Variants in SYT14 observed in about 807,000 individuals in gnomAD.
SYT14 encodes the protein synaptotagmin-14.
In SYT14, 32 loss-of-function variants were observed where a neutral mutation model predicts 74.2. That is an observed-to-expected ratio of 0.43 (90% CI 0.33 to 0.58). SYT14 has a LOEUF of 0.58. Among genes scored for constraint, SYT14 ranks in the 20% least tolerant of loss-of-function variants. The pLI, the probability that SYT14 is intolerant of heterozygous loss-of-function variation, is 0.05. For missense variants in SYT14, 791 were observed against 981.8 expected (o/e 0.81, Z 2.60); for synonymous variants, 298 against 337.7 (o/e 0.88, Z 1.29).
rs147126272 is a variant in SYT14 at position 210,021,096 on chromosome 1, C to T, written c.1154C>T (p.Ala385Val). 762 of 1,613,808 alleles carry T rather than the reference C, an allele frequency of 4.7e-4. 5 individuals carry two copies. The highest frequency in any genetic ancestry group is 4.7e-3 in the South Asian group (430 of 91,080). Residue 385 changes from alanine to valine, a missense_variant, in exon 5 of 10, where the codon GCG becomes GTG. Coordinates refer to ENST00000637265, the Ensembl canonical transcript of SYT14. ...TCATCCTCTGAAAGTGAAGATGAAG[C>T]GCTGGGTAAATATCATGAGGCCTTA...
intron 2 of SYT14, among the ~76,000 whole-genome samples, chr1:210,007,247 T>A (rs1403462935): frequency 6.6e-6 from 1 of 152,006 alleles, no homozygotes; most frequent in Admixed American, 6.6e-5. Context: ...TTGGAAAGAC[T>A]AAACTTTCTA....
exon 10 of SYT14, chr1:210,162,858 A>C (rs2083401033): frequency 2.2e-6 from 1 of 453,490 alleles, no homozygotes; most frequent in Non-Finnish European, 4.4e-6. Context: ...ATGAGGTTTG[A>C]GAATGTGTGT....
intron 2 of SYT14, among the ~76,000 whole-genome samples, chr1:209,983,562 A>G (rs558221115): frequency 8.9e-4 from 136 of 151,984 alleles, no homozygotes; most frequent in African/African-American, 3.0e-3. Context: ...GTTTCTTTTT[A>G]TAATTTCTAT....
intron 2 of SYT14, among the ~76,000 whole-genome samples, chr1:209,984,938 G>T (rs2079546119): frequency 1.3e-5 from 2 of 152,088 alleles, no homozygotes; most frequent in Admixed American, 1.3e-4. Flanking sequence ...ACAGCACTAA[G>T]CCATGAGAAT....
chr1:210,027,415 CAA>C (rs35720692), intron 5 of SYT14, among the ~76,000 whole-genome samples: 4 of 132,746 alleles, frequency 3.0e-5, no homozygotes, highest in African/African-American at 5.6e-5. Flanking sequence ...ACCCTGTTCC[CAA>C]AAAAAAAAAA....
intron 7 of SYT14, among the ~76,000 whole-genome samples, chr1:210,141,449 G>A (rs1045584208): frequency 2.6e-5 from 4 of 152,046 alleles, no homozygotes; most frequent in Non-Finnish European, 5.9e-5. Context: ...GTGCATTTTA[G>A]GATTTACTGC....
rs1025577434 is a variant in SYT14 at position 210,025,042 on chromosome 1, C to T, written c.1312+3788C>T. Among the ~76,000 whole-genome samples, 3 of 152,180 alleles carry T rather than the reference C, an allele frequency of 2.0e-5. No homozygotes were observed. The South Asian group carries it at 6.2e-4, about 31-fold the overall frequency. On this transcript the variant is annotated intron_variant, in intron 5 of 9. Coordinates refer to ENST00000637265, the Ensembl canonical transcript of SYT14. ...AGTATACATTTGCCGCCTTCACTTTCTTAGCATCTATTCTCTCCTTATCAA... is the reference window on the plus strand; with the variant it reads ...AGTATACATTTGCCGCCTTCACTTTTTTAGCATCTATTCTCTCCTTATCAA...
chr1:210,082,427 G>A (rs77642371), intron 5 of SYT14, among the ~76,000 whole-genome samples: 5,103 of 152,196 alleles, frequency 0.034, 597 homozygotes, highest in Admixed American at 0.23. Context: ...ACCTCTGAAA[G>A]GTACTAGAAT....
intron 7 of SYT14, among the ~76,000 whole-genome samples, chr1:210,144,753 G>GATTCAA (rs2082995019): frequency 6.6e-6 from 1 of 151,980 alleles, no homozygotes; most frequent in Non-Finnish European, 1.5e-5. Flanking sequence ...ATTAAAAACA[G>GATTCAA]ATTCAAATCA....
At chr1:209,996,454 A>G (rs1192903003) in intron 2 of SYT14, among the ~76,000 whole-genome samples, 2 of 152,098 alleles carry the variant, frequency 1.3e-5, no homozygotes, top group African/African-American at 4.8e-5. Context: ...ATTTGAATCA[A>G]TAATAAAAAC....
chr1:209,971,482 C>A (rs763400122), intron 2 of SYT14, among the ~76,000 whole-genome samples: 1 of 152,112 alleles, frequency 6.6e-6, no homozygotes, highest in Non-Finnish European at 1.5e-5. Flanking sequence ...GGGAATTGTT[C>A]CAGCTTTTGT....
chr1:209,966,141 G>A (rs2079154420), intron 2 of SYT14: 1 of 319,062 alleles, frequency 3.1e-6, no homozygotes, highest in South Asian at 2.6e-5. Flanking sequence ...AAGTGCTGAG[G>A]TTACAGGCAT....
intron 2 of SYT14, among the ~76,000 whole-genome samples, chr1:209,991,744 C>T (rs997272479): frequency 4.6e-5 from 7 of 151,844 alleles, no homozygotes; most frequent in East Asian, 3.9e-4. Flanking sequence ...GCATGAGAAT[C>T]GCTTGAACCT....
chr1:210,056,999 C>T (rs1161220394), intron 5 of SYT14, among the ~76,000 whole-genome samples: 2 of 151,904 alleles, frequency 1.3e-5, no homozygotes, highest in Admixed American at 1.3e-4. Flanking sequence ...CGCACACCAC[C>T]ACACTGTGCT....
chr1:210,130,000 G>GT (rs2082641365), intron 7 of SYT14, among the ~76,000 whole-genome samples: 1 of 152,152 alleles, frequency 6.6e-6, no homozygotes, highest in East Asian at 1.9e-4. Context: ...CTTCTTCACT[G>GT]TCATTTTCTG....
intron 7 of SYT14, among the ~76,000 whole-genome samples, chr1:210,127,974 T>G (rs1223754161): frequency 1.3e-5 from 2 of 152,016 alleles, no homozygotes; most frequent in African/African-American, 4.8e-5. Context: ...TTGCAGATTG[T>G]GCCCAATATC....
intron 5 of SYT14, among the ~76,000 whole-genome samples, chr1:210,058,111 C>A (rs1048127800): frequency 1.3e-5 from 2 of 152,078 alleles, no homozygotes; most frequent in South Asian, 4.1e-4. Context: ...TGACTAGGGA[C>A]CGAAAGCTGG....
chr1:210,024,084 A>G (rs2080359577), intron 5 of SYT14, among the ~76,000 whole-genome samples: 1 of 152,230 alleles, frequency 6.6e-6, no homozygotes, highest in East Asian at 1.9e-4. Context: ...GCGTCTATAC[A>G]TATACATCTG....
rs138320326 is a variant in SYT14 at position 210,157,073 on chromosome 1, G to T, written c.2224+1163G>T. On this transcript the variant is annotated intron_variant, in intron 8 of 9. Transcript: ENST00000637265. ...TTGAAACGAAATCTGAAATAATAAT[G>T]CCACTTTAAATTTTCTTAAAGAATT... 1.8e-3 allele frequency among the ~76,000 whole-genome samples: 269 copies of T among 152,112 alleles called. 1 individual carries two copies. The highest frequency in any genetic ancestry group is 6.2e-3 in the African/African-American group (257 of 41,490).
Sources: gnomAD v4.1 joint callset for allele counts (sites outside exome capture counted in the v4.1 genomes callset) on GRCh38, gnomAD v4.1.1 for gene constraint, MANE v1.5 for transcripts, NCBI Gene and HGNC (gene_info 2026-07-23, HGNC 2026-07-21) for gene names.